Variants in UBE3B observed in about 807,000 individuals in gnomAD.
The protein encoded by UBE3B is ubiquitin protein ligase E3B.
In UBE3B, 80 loss-of-function variants were observed where a neutral mutation model predicts 132.3. The ratio of observed to expected loss-of-function variants is 0.60; its 90% CI spans 0.50 to 0.73. The LOEUF is 0.73. UBE3B is among the 30% of genes least tolerant of loss of function. The pLI, the probability that UBE3B is intolerant of heterozygous loss-of-function variation, is 0.00. For missense variants in UBE3B, 1,196 were observed against 1,362.5 expected (o/e 0.88, Z 1.92); for synonymous variants, 487 against 520.4 (o/e 0.94, Z 0.87).
At chr12:109,490,986 A>G (rs1877378542) in intron 8 of UBE3B, 59 bp from the exon 9 acceptor site, 2 of 1,564,364 alleles carry the variant, frequency 1.3e-6, no homozygotes, top group Admixed American at 1.8e-5. Context: ...TTGCTCTTTT[A>G]TGTACAAATG....
At chr12:109,527,003 G>T (rs1343168803) in intron 24 of UBE3B, among the ~76,000 whole-genome samples, 1 of 152,174 alleles carries the variant, frequency 6.6e-6, no homozygotes, top group Non-Finnish European at 1.5e-5. Flanking sequence ...CTGACAGATG[G>T]ATTCTGAGCC....
At chr12:109,506,747 G>A (rs1048462337) in intron 14 of UBE3B, among the ~76,000 whole-genome samples, 3 of 152,216 alleles carry the variant, frequency 2.0e-5, no homozygotes, top group African/African-American at 7.2e-5. Context: ...TTTGGCCTGA[G>A]GATGCCTCCA....
chr12:109,514,473 T>C (rs893617292), intron 18 of UBE3B, among the ~76,000 whole-genome samples: 2 of 152,206 alleles, frequency 1.3e-5, no homozygotes, highest in African/African-American at 4.8e-5. Flanking sequence ...AGGCTTTCTG[T>C]GGTCACTTCT....
intron 11 of UBE3B, 83 bp downstream of exon 11, chr12:109,498,436 T>C (rs1878517398): frequency 1.3e-6 from 2 of 1,505,430 alleles, no homozygotes; most frequent in Non-Finnish European, 9.0e-7. Context: ...TTCTAGAGAT[T>C]TGGTTGTTTT....
intron 22 of UBE3B, 126 bp downstream of exon 22, chr12:109,524,241 T>C: frequency 7.0e-7 from 1 of 1,426,022 alleles, no homozygotes; most frequent in Non-Finnish European, 9.6e-7. Flanking sequence ...GCCCCTCACA[T>C]CCCCCTGTGG....
At chr12:109,516,167 C>CTTTT (rs59084691) in intron 18 of UBE3B, among the ~76,000 whole-genome samples, 16 of 91,122 alleles carry the variant, frequency 1.8e-4, no homozygotes, top group Non-Finnish European at 3.0e-4. Context: ...TCTTTTTTTT[C>CTTTT]TTTTTTTTTT....
At chr12:109,528,371 G>A (rs1388599784) in intron 24 of UBE3B, 1 of 985,266 alleles carries the variant, frequency 1.0e-6, no homozygotes, top group Non-Finnish European at 1.2e-6. Context: ...TACCTGGAAG[G>A]AGGAGCAATG....
chr12:109,533,154 G>A lies in UBE3B; in HGVS notation c.2923-312G>A, dbSNP rs556230869. Among the ~76,000 whole-genome samples, 9 of 152,230 alleles carry A rather than the reference G, an allele frequency of 5.9e-5. No homozygotes were observed. The South Asian group carries it at 1.0e-3, about 18-fold the overall frequency. On this transcript the variant is annotated intron_variant, in intron 26 of 27. Coordinates refer to ENST00000342494, the MANE Select transcript of UBE3B (RefSeq NM_130466.4). ...CACAGGAGACCTGCCTCTCGGGGAC[G>A]CCTCACCAGTGCCCTGGCTGGGCAT... is the stretch of plus-strand genomic sequence containing the variant.
intron 1 of UBE3B, among the ~76,000 whole-genome samples, chr12:109,480,014 T>C (rs917947521): frequency 6.6e-6 from 1 of 152,160 alleles, no homozygotes; most frequent in Admixed American, 6.5e-5. Flanking sequence ...AGCTTGAATC[T>C]GTTACTCACT....
At chr12:109,505,794 T>A (rs1879586188) in intron 14 of UBE3B, among the ~76,000 whole-genome samples, 1 of 152,226 alleles carries the variant, frequency 6.6e-6, no homozygotes, top group Admixed American at 6.5e-5. Flanking sequence ...TCAGTAGCTC[T>A]GATGGAGTTC....
chr12:109,537,349 A>T (rs1374055766), downstream of UBE3B, among the ~76,000 whole-genome samples: 1 of 152,142 alleles, frequency 6.6e-6, no homozygotes, highest in African/African-American at 2.4e-5. Context: ...CCCAGGTCAG[A>T]CCTGCCAGGT....
chr12:109,511,769 C>A (rs574264585), intron 18 of UBE3B, among the ~76,000 whole-genome samples: 4 of 152,038 alleles, frequency 2.6e-5, no homozygotes, highest in African/African-American at 9.7e-5. Context: ...GCAAAGCCAC[C>A]GGAGGGCTGG....
At chr12:109,518,310 A>G (rs932042865) in intron 19 of UBE3B, among the ~76,000 whole-genome samples, 1 of 152,180 alleles carries the variant, frequency 6.6e-6, no homozygotes, top group East Asian at 1.9e-4. Context: ...CAGCTCCTCC[A>G]GACCTGCCAT....
intron 6 of UBE3B, among the ~76,000 whole-genome samples, chr12:109,487,006 C>G (rs577306098): frequency 6.6e-6 from 1 of 152,312 alleles, no homozygotes; most frequent in African/African-American, 2.4e-5. Context: ...CTAGGGGGTT[C>G]TGATTCTCCC....
chr12:109,517,877 T>C (rs573907809), intron 19 of UBE3B: 14 of 408,318 alleles, frequency 3.4e-5, no homozygotes, highest in Non-Finnish European at 7.2e-5. Context: ...ATTTTCTCCC[T>C]CGGTGCATCG....
the UBE3B span, among the ~76,000 whole-genome samples, chr12:109,547,199 C>G: frequency 6.6e-6 from 1 of 152,214 alleles, no homozygotes; most frequent in Non-Finnish European, 1.5e-5. The surrounding 1 kb of genome is among the most constrained non-coding windows in gnomAD (Gnocchi z 4.1). Flanking sequence ...AGGCGTCCTG[C>G]CCACACTGGC....
chr12:109,520,875 A>G (rs1177381097), intron 19 of UBE3B: 3 of 326,336 alleles, frequency 9.2e-6, no homozygotes, highest in Non-Finnish European at 1.7e-5. Context: ...GTCATGACTC[A>G]TTTTGTCTAA....
chr12:109,523,850 G>A lies in UBE3B; in HGVS notation c.2365-128G>A, dbSNP rs1881987771. ...ATGGGGAGATACTGCCCTCCGGATT[G>A]GAAACTTAGGAGGGGCCTGGAAATG... On this transcript the variant is annotated intron_variant, in intron 21 of 27. Transcript: ENST00000342494. 5 of 1,365,592 alleles carry A rather than the reference G, an allele frequency of 3.7e-6. No individual in the cohort carries two copies. The East Asian group carries it at 6.9e-5, about 19-fold the overall frequency. The allele number at this position is 1,365,592 out of a possible 1,614,324, so 84.6% of individuals were successfully genotyped here.
intron 14 of UBE3B, among the ~76,000 whole-genome samples, chr12:109,504,983 G>A (rs974756715): frequency 6.1e-5 from 9 of 148,590 alleles, no homozygotes; most frequent in African/African-American, 2.3e-4. Context: ...TTTTTTTTTT[G>A]TATTTTTAGT....
Sources: allele counts gnomAD v4.1 joint callset (sites outside exome capture counted in the v4.1 genomes callset), GRCh38; gene constraint gnomAD v4.1.1; non-coding constraint Gnocchi (gnomAD v3.1); transcripts MANE v1.5; gene names NCBI Gene and HGNC (gene_info 2026-07-23, HGNC 2026-07-21).